Variants in CHRNA4 observed in about 807,000 individuals in gnomAD.
The protein encoded by CHRNA4 is cholinergic receptor nicotinic alpha 4 subunit.
Under a neutral mutation model 48.9 loss-of-function variants are expected in CHRNA4, and 28 were observed. The observed-to-expected ratio is 0.57, with a 90% CI of 0.42 to 0.79. CHRNA4 has a LOEUF of 0.79. Among genes scored for constraint, CHRNA4 ranks in the 30% least tolerant of loss-of-function variants. The pLI is 0.00. For synonymous variants in CHRNA4, 425 were observed against 402.3 expected (o/e 1.06, Z -0.68); for missense variants, 859 against 898.4 (o/e 0.96, Z 0.56).
chr20:63,353,837 G>C (rs75734511), intron 4 of CHRNA4, among the ~76,000 whole-genome samples: 1 of 95,582 alleles, frequency 1.0e-5, no homozygotes, highest in Non-Finnish European at 2.1e-5. Context: ...GTGGTTCTAG[G>C]GGGCTGTGAC....
chr20:63,361,034 T>C, intron 1 of CHRNA4, 56 bp downstream of exon 1: 3 of 1,342,898 alleles, frequency 2.2e-6, no homozygotes, highest in South Asian at 3.2e-5. Context: ...GCTCTGGGGG[T>C]CCCAGGCCAT....
At chr20:63,355,438 G>A (rs2068702169) in intron 4 of CHRNA4, 2 of 1,059,290 alleles carry the variant, frequency 1.9e-6, no homozygotes, top group East Asian at 5.9e-5. Context: ...GGCAGAGCGT[G>A]AGTATGCAGA....
At position 63,351,011 on chromosome 20, in the gene CHRNA4, C is replaced by A; in HGVS notation, c.400G>T (p.Ala134Ser). ...TGGGCCTTGGTCAGGTGGGTGACCG[C>A]GAAGTCCCCGTCAGCACTGGGCAGG... ...VLYNNADGDF[A>S]VTHLTKAHLF... Residue 134 changes from alanine to serine, a missense_variant, in exon 5 of 6, where the codon GCG (alanine) becomes TCG (serine). Ala to Ser is a moderately conservative substitution (Grantham distance 99, BLOSUM62 1). Around this residue, in one of 3 missense-constraint regions of CHRNA4, gnomAD observed 342 missense variants for 365.3 expected, o/e 0.94. Transcript: ENST00000370263. 1 of 1,612,954 alleles carries A rather than the reference C, an allele frequency of 6.2e-7. No homozygotes were observed. Among genetic ancestry groups the A allele is most frequent in the Non-Finnish European group, 8.5e-7 (1 of 1,179,868 alleles).
chr20:63,354,003 C>A (rs11476765), intron 4 of CHRNA4, among the ~76,000 whole-genome samples: 1 of 8,710 alleles, frequency 1.1e-4, no homozygotes, highest in Non-Finnish European at 1.9e-4. Flanking sequence ...GTGGTCCTGG[C>A]GGGGGGGCTG....
chr20:63,352,252 GCCC>G (rs1028725817), intron 4 of CHRNA4, among the ~76,000 whole-genome samples: 31 of 152,136 alleles, frequency 2.0e-4, no homozygotes, highest in African/African-American at 7.2e-4. Context: ...CTCTGTGCCT[GCCC>G]CCGAGTCCCA....
At chr20:63,358,835 C>A (rs1046702225) in intron 2 of CHRNA4, among the ~76,000 whole-genome samples, 1 of 152,212 alleles carries the variant, frequency 6.6e-6, no homozygotes, top group African/African-American at 2.4e-5. Context: ...GCCGCCGAGA[C>A]CCCCAGACAG....
At position 63,345,852 on chromosome 20, in the gene CHRNA4, C is replaced by T. The variant is rs200523737; in HGVS notation, c.*886G>A. On this transcript the variant is annotated 3_prime_UTR_variant, in exon 6 of 6. Coordinates refer to ENST00000370263, the MANE Select transcript of CHRNA4 (RefSeq NM_000744.7). The surrounding 1 kb of genome is among the most constrained non-coding windows in gnomAD (Gnocchi z 5.4). ...CCAGGGCCCAGGTCTGGACTCCATT[C>T]GGGACCTTCCCAGCTCCGGGGAATC... is the stretch of plus-strand genomic sequence containing the variant. 2.7e-4 allele frequency: 123 copies of T among 452,714 alleles called. 5 individuals carry two copies. The highest frequency in any genetic ancestry group is 1.5e-3 in the South Asian group (99 of 64,356). The allele number at this position is 452,714 out of a possible 1,614,324, so 28.0% of individuals were successfully genotyped here.
At chr20:63,351,802 G>A (rs2068620093) in intron 4 of CHRNA4, among the ~76,000 whole-genome samples, 2 of 152,240 alleles carry the variant, frequency 1.3e-5, no homozygotes, top group African/African-American at 2.4e-5. Context: ...GTGGGCAACA[G>A]AGCAATGGAG....
chr20:63,360,124 G>A (rs948735261), intron 1 of CHRNA4: 4 of 252,372 alleles, frequency 1.6e-5, no homozygotes, highest in Admixed American at 9.8e-5. Context: ...GACTTCCAGG[G>A]AAGGGCTGTG....
chr20:63,349,387 G>C, intron 5 of CHRNA4: 1 of 577,312 alleles, frequency 1.7e-6, no homozygotes, highest in Non-Finnish European at 3.1e-6. Flanking sequence ...GCCGTCCGCC[G>C]AGGCCCACTG....
chr20:63,356,451 C>G (rs756022384), intron 2 of CHRNA4, 36 bp from the exon 3 acceptor site: 1 of 1,574,642 alleles, frequency 6.4e-7, no homozygotes, highest in African/African-American at 1.4e-5. Flanking sequence ...CCAGTGACCC[C>G]TTGGTGTCTT....
In CHRNA4 at chr20:63,343,816, G is replaced by A; in HGVS notation, c.*2922C>T. 2.2e-6 allele frequency: 1 copy of A among 454,172 alleles called. No individual in the cohort carries two copies. The highest frequency in any genetic ancestry group is 4.4e-6 in the Non-Finnish European group (1 of 226,800). 28.1% of individuals were successfully genotyped at this position (454,172 alleles called of 1,614,324 possible). Reference sequence around the variant, plus strand: ...CTCCCGCTGCCTGGTGCCTGGCACAGGGCGGGGAAACGTTGGCTTAGTGTG... The same window carrying A: ...CTCCCGCTGCCTGGTGCCTGGCACAAGGCGGGGAAACGTTGGCTTAGTGTG... On this transcript the variant is annotated 3_prime_UTR_variant, in exon 6 of 6. Transcript: ENST00000370263.
At chr20:63,347,501 C>T (rs1199356926) in intron 5 of CHRNA4, among the ~76,000 whole-genome samples, 1 of 152,232 alleles carries the variant, frequency 6.6e-6, no homozygotes, top group East Asian at 1.9e-4. Flanking sequence ...TAACCCCACA[C>T]TCCTGGGGCT....
intron 4 of CHRNA4, among the ~76,000 whole-genome samples, chr20:63,353,567 T>TA (rs1555838859): frequency 1.2e-4 from 4 of 33,664 alleles, no homozygotes; most frequent in African/African-American, 2.6e-4. Flanking sequence ...GCTGTGGTCC[T>TA]GGGGGGGCTG....
chr20:63,357,408 C>T (rs1486494266), intron 2 of CHRNA4, among the ~76,000 whole-genome samples: 1 of 152,242 alleles, frequency 6.6e-6, no homozygotes, highest in Non-Finnish European at 1.5e-5. Flanking sequence ...TACCCCCTTG[C>T]AGCCGTCATT....
chr20:63,357,187 A>ACGG (rs112838603), intron 2 of CHRNA4, among the ~76,000 whole-genome samples: 1 of 8,502 alleles, frequency 1.2e-4, no homozygotes, highest in Admixed American at 2.6e-3. Context: ...ACAGGACCAC[A>ACGG]ACCCACAGGA....
intron 2 of CHRNA4, among the ~76,000 whole-genome samples, chr20:63,357,006 T>TA (rs576296886): frequency 8.1e-4 from 82 of 101,364 alleles, no homozygotes; most frequent in Admixed American, 9.3e-4. Context: ...CACATCTCCA[T>TA]GGACCACATC....
intron 4 of CHRNA4, chr20:63,354,574 AGGCTGTGGAAGTGGGGGG>A: frequency 1.8e-6 from 1 of 548,734 alleles, no homozygotes; most frequent in Non-Finnish European, 2.1e-6. Context: ...GGTCCTGGTG[AGGCTGTGGAAGTGGGGGG>A]GGCTGCAGTA....
Position 63,356,076 on chromosome 20 carries a change from G to A in CHRNA4, c.282C>T (p.His94=), listed in dbSNP as rs754402670. The A allele has an allele frequency of 2.2e-5, 35 of 1,586,998 alleles. No homozygotes were observed. The Admixed American group carries it at 3.8e-4, about 17-fold the overall frequency. ...CTGGGTCCCAGCGCAGCTTGTAGTCGTGCCACTCCTGGATGAGGTGGGGCG... is the reference window on the plus strand; with the variant it reads ...CTGGGTCCCAGCGCAGCTTGTAGTCATGCCACTCCTGGATGAGGTGGGGCG... The part of the protein sequence containing the change: ...TTNVWVKQEW[H]DYKLRWDPAD... The change falls in exon 4 of 6, where the codon CAC becomes CAT. Residue 94 remains histidine (H), a synonymous_variant. Coordinates refer to ENST00000370263, the MANE Select transcript of CHRNA4 (RefSeq NM_000744.7).
Sources: allele counts gnomAD v4.1 joint callset (sites outside exome capture counted in the v4.1 genomes callset), GRCh38; gene constraint gnomAD v4.1.1; regional missense constraint gnomAD v4.1.1; non-coding constraint Gnocchi (gnomAD v3.1); transcripts MANE v1.5; gene names NCBI Gene and HGNC (gene_info 2026-07-23, HGNC 2026-07-21).